The following GPATCH8 variants were observed in gnomAD, a reference collection of about 807,000 sequenced individuals.
GPATCH8 encodes the protein G patch domain-containing protein 8.
Under a neutral mutation model 118.3 loss-of-function variants are expected in GPATCH8, and 18 were observed. That is an observed-to-expected ratio of 0.15 (90% CI 0.11 to 0.23). The LOEUF is 0.23. Ranked by LOEUF, GPATCH8 falls within the 10% of genes least tolerant of loss-of-function variation. The pLI is 1.00. For missense variants in GPATCH8, 1,631 were observed against 1,873.8 expected (o/e 0.87, Z 2.39); for synonymous variants, 659 against 684.7 (o/e 0.96, Z 0.59).
rs781092018 is a variant in GPATCH8, at chr17:44,398,864, G to A, written c.3213C>T (p.Gly1071=). ...AGTCACCTTCTGACCCTCTTCCTGT[G>A]CCAATGTTGCTGTTCTGGGAAGGTG... The part of the protein sequence containing the change: ...TGPPSQNSNI[G]TGRGSEGDCS... Residue 1071 remains glycine, a synonymous_variant, in exon 8 of 8, where the codon GGC becomes GGT. Transcript: ENST00000591680. 4.3e-6 allele frequency: 7 copies of A among 1,613,748 alleles called. No individual in the cohort carries two copies. In the East Asian group the frequency reaches 1.3e-4, roughly 31 times the overall value.
At chr17:44,417,120 C>T (rs1453658194) in intron 6 of GPATCH8, among the ~76,000 whole-genome samples, 2 of 152,096 alleles carry the variant, frequency 1.3e-5, no homozygotes, top group Non-Finnish European at 1.5e-5. Context: ...CAATGTCCAC[C>T]TCCTGGGCTC....
chr17:44,435,258 T>C (rs1054481769), intron 4 of GPATCH8, 107 bp from the exon 5 acceptor site: 43 of 692,146 alleles, frequency 6.2e-5, no homozygotes, highest in African/African-American at 2.5e-4. Flanking sequence ...CAAAAAAAAA[T>C]TGTAATTTTG....
In GPATCH8 at chr17:44,503,385, T is replaced by G. The variant is rs1243056873; in HGVS notation, c.-15A>C. 4 of 1,602,508 alleles carry G rather than the reference T, an allele frequency of 2.5e-6. No individual in the cohort carries two copies. The highest frequency in any genetic ancestry group is 2.6e-6 in the Non-Finnish European group (3 of 1,174,408). ...CGGTCCGCCATTTTGCCGCCTTCACTCCTCTCAGGACGACGCTCTCCGGTT... is the reference window on the plus strand; with the variant it reads ...CGGTCCGCCATTTTGCCGCCTTCACGCCTCTCAGGACGACGCTCTCCGGTT... On this transcript the variant is annotated 5_prime_UTR_variant, in exon 1 of 8. Transcript: ENST00000591680.
At chr17:44,480,499 T>A (rs1032038466) in intron 1 of GPATCH8, among the ~76,000 whole-genome samples, 1 of 152,048 alleles carries the variant, frequency 6.6e-6, no homozygotes, top group East Asian at 1.9e-4. Flanking sequence ...GCAGATCACC[T>A]GAGGTCGGGA....
intron 3 of GPATCH8, among the ~76,000 whole-genome samples, chr17:44,455,843 G>T (rs2051309089): frequency 6.6e-6 from 1 of 152,120 alleles, no homozygotes; most frequent in Non-Finnish European, 1.5e-5. Context: ...CGCCTCCTGG[G>T]TTCAAGCAAT....
intron 5 of GPATCH8, among the ~76,000 whole-genome samples, chr17:44,429,702 A>C (rs1470210966): frequency 1.3e-4 from 20 of 151,424 alleles, no homozygotes; most frequent in African/African-American, 4.6e-4. Context: ...ACAAACAAAC[A>C]AACAAACAAA....
intron 5 of GPATCH8, among the ~76,000 whole-genome samples, chr17:44,425,423 C>G (rs1249812009): frequency 2.6e-5 from 4 of 152,188 alleles, no homozygotes; most frequent in African/African-American, 9.7e-5. Flanking sequence ...CAGTACTGAA[C>G]TAATTTGGAC....
intron 6 of GPATCH8, among the ~76,000 whole-genome samples, chr17:44,411,272 T>C (rs1337753361): frequency 6.6e-6 from 1 of 152,182 alleles, no homozygotes; most frequent in East Asian, 1.9e-4. Flanking sequence ...CTGTCAATAG[T>C]CAAGAGCAAC....
chr17:44,453,690 AATTTTTT>A (rs1050130780), intron 3 of GPATCH8, among the ~76,000 whole-genome samples: 6 of 152,018 alleles, frequency 3.9e-5, no homozygotes, highest in East Asian at 3.9e-4. Flanking sequence ...ATGCCAGGCT[AATTTTTT>A]ATTTTTTATT....
intron 2 of GPATCH8, chr17:44,474,499 T>C (rs1364643830): frequency 2.6e-6 from 1 of 378,752 alleles, no homozygotes; most frequent in African/African-American, 2.1e-5. Flanking sequence ...GGTGAAGCTA[T>C]AAAGGATCAA....
chr17:44,475,012 C>A, intron 1 of GPATCH8, 109 bp from the exon 2 acceptor site: 2 of 680,634 alleles, frequency 2.9e-6, no homozygotes, highest in Admixed American at 2.2e-5. Context: ...TTTTTTTAAC[C>A]TAAAAGGACA....
chr17:44,442,122 T>G (rs7223291), intron 3 of GPATCH8, among the ~76,000 whole-genome samples: 76,427 of 128,492 alleles, frequency 0.59, 23,039 homozygotes, highest in Non-Finnish European at 0.69. Flanking sequence ...TATATATATA[T>G]AGAGAGAGAG....
At chr17:44,414,318 CT>C (rs1298356614) in intron 6 of GPATCH8, among the ~76,000 whole-genome samples, 3 of 151,706 alleles carry the variant, frequency 2.0e-5, no homozygotes, top group Non-Finnish European at 4.4e-5. Flanking sequence ...CCCCACCCCC[CT>C]TTTTTGGAGA....
chr17:44,429,246 T>C (rs1332570366), intron 5 of GPATCH8, among the ~76,000 whole-genome samples: 1 of 152,132 alleles, frequency 6.6e-6, no homozygotes, highest in Admixed American at 6.5e-5. Flanking sequence ...CAACACAGTA[T>C]AATACAGCTA....
intron 4 of GPATCH8, 97 bp from the exon 5 acceptor site, chr17:44,435,248 CA>C (rs912463933): frequency 3.1e-4 from 215 of 688,236 alleles, no homozygotes; most frequent in Admixed American, 5.3e-4. Context: ...TATCTGAAAA[CA>C]AAAAAAAATT....
intron 1 of GPATCH8, among the ~76,000 whole-genome samples, chr17:44,477,444 C>T (rs539646641): frequency 1.6e-4 from 25 of 152,112 alleles, no homozygotes; most frequent in East Asian, 9.7e-4. Context: ...CTATGTTGCC[C>T]AGGCTGCCTT....
At chr17:44,402,328 A>G (rs2049057087) in intron 7 of GPATCH8, among the ~76,000 whole-genome samples, 1 of 149,978 alleles carries the variant, frequency 6.7e-6, no homozygotes, top group Non-Finnish European at 1.5e-5. Flanking sequence ...CTGTCTCAAA[A>G]AAAAAAAAAA....
chr17:44,477,706 C>CA (rs377109592), intron 1 of GPATCH8, among the ~76,000 whole-genome samples: 433 of 115,864 alleles, frequency 3.7e-3, no homozygotes, highest in African/African-American at 0.012. Context: ...TTTCCAAAGA[C>CA]AAAAAAAAAA....
At chr17:44,406,955 A>G (rs2049255836) in intron 6 of GPATCH8, among the ~76,000 whole-genome samples, 1 of 152,244 alleles carries the variant, frequency 6.6e-6, no homozygotes, top group Non-Finnish European at 1.5e-5. Flanking sequence ...TATTTTCAAG[A>G]CATTAGATAA....
Sources: allele counts gnomAD v4.1 joint callset (sites outside exome capture counted in the v4.1 genomes callset), GRCh38; gene constraint gnomAD v4.1.1; transcripts MANE v1.5; gene names NCBI Gene and HGNC (gene_info 2026-07-23, HGNC 2026-07-21).